LCP1: variants seen among roughly 807,000 people sequenced by gnomAD.
LCP1 encodes plastin-2.
LCP1 carries 23 observed loss-of-function variants against 72.0 expected under a neutral mutation model. The ratio of observed to expected loss-of-function variants is 0.32; its 90% CI spans 0.23 to 0.45. The LOEUF (loss-of-function observed/expected upper bound fraction) is 0.45. Among genes scored for constraint, LCP1 ranks in the 20% least tolerant of loss-of-function variants. The probability of loss-of-function intolerance (pLI) is 1.00; values close to 1 mark genes in which losing one functional copy is unlikely to be tolerated. For synonymous variants in LCP1, 245 were observed against 275.4 expected (o/e 0.89, Z 1.09); for missense variants, 571 against 748.3 (o/e 0.76, Z 2.76).
chr13:46,180,385 TCTTCC>T (rs1406652446), intron 1 of LCP1, among the ~76,000 whole-genome samples: 1 of 152,228 alleles, frequency 6.6e-6, no homozygotes, highest in East Asian at 1.9e-4. Context: ...TACTTGTTGG[TCTTCC>T]CTTCCCCAAA....
intron 1 of LCP1, among the ~76,000 whole-genome samples, chr13:46,170,530 T>C (rs1190565064): frequency 6.6e-6 from 1 of 152,144 alleles, no homozygotes; most frequent in African/African-American, 2.4e-5. Flanking sequence ...GAAAGGAACC[T>C]TGGAGACAGA....
intron 15 of LCP1, among the ~76,000 whole-genome samples, chr13:46,128,665 C>T (rs1282722990): frequency 6.6e-6 from 1 of 151,992 alleles, no homozygotes; most frequent in Non-Finnish European, 1.5e-5. Flanking sequence ...AATTCTTGCC[C>T]ACATATATTT....
intron 8 of LCP1, among the ~76,000 whole-genome samples, chr13:46,150,402 G>T (rs1478336966): frequency 1.3e-5 from 2 of 152,066 alleles, no homozygotes; most frequent in Non-Finnish European, 2.9e-5. Flanking sequence ...GGACCTCTTT[G>T]TCTCTTTATC....
chr13:46,159,023 C>T (rs201113224), intron 2 of LCP1, 34 bp from the exon 3 acceptor site: 55 of 1,606,374 alleles, frequency 3.4e-5, no homozygotes, highest in Middle Eastern at 1.7e-4. Flanking sequence ...AGCTTCAGGA[C>T]GATTCAGGCA....
At chr13:46,137,209 TA>T (rs150494599) in intron 13 of LCP1, among the ~76,000 whole-genome samples, 44,366 of 129,724 alleles carry the variant, frequency 0.34, 6,827 homozygotes, top group South Asian at 0.47. Context: ...AGTAAAACGA[TA>T]AAAAAAAAAA....
chr13:46,140,706 T>C (rs901258782), intron 13 of LCP1, among the ~76,000 whole-genome samples: 6 of 152,182 alleles, frequency 3.9e-5, no homozygotes, highest in African/African-American at 1.4e-4. Flanking sequence ...AATAAGTTAC[T>C]GTAATTATTT....
At chr13:46,164,589 A>G (rs768439484) in intron 1 of LCP1, among the ~76,000 whole-genome samples, 1 of 152,260 alleles carries the variant, frequency 6.6e-6, no homozygotes, top group Non-Finnish European at 1.5e-5. Context: ...AATGCAAAAG[A>G]GAAGTGGATT....
chr13:46,146,775 T>A, intron 10 of LCP1, 133 bp downstream of exon 10: 1 of 858,122 alleles, frequency 1.2e-6, no homozygotes, highest in Non-Finnish European at 2.0e-6. Context: ...ATTCTCTTTG[T>A]TGCATACCAG....
rs1223231863 is a variant in LCP1, at chr13:46,156,560, C to T, written c.369G>A (p.Lys123=). 1.2e-6 allele frequency: 2 copies of T among 1,614,062 alleles called. No individual in the cohort carries two copies. Among genetic ancestry groups the T allele is most frequent in the Admixed American group, 1.7e-5 (1 of 60,008 alleles). The change falls in exon 5 of 16, where the codon AAG becomes AAA. Residue 123 remains lysine (K), a synonymous_variant. Transcript: ENST00000323076. ...GTQHSYSEEE[K]YAFVNWINKA... ...TGTTTATCCAGTTGACAAAGGCATA[C>T]TTTTCTTCCTCTGCAAGTAAATGAT... is the stretch of plus-strand genomic sequence containing the variant.
chr13:46,162,353 G>GAA (rs1296467806), intron 1 of LCP1, among the ~76,000 whole-genome samples: 1 of 148,714 alleles, frequency 6.7e-6, no homozygotes, highest in Non-Finnish European at 1.5e-5. Context: ...ATGCCGAGCA[G>GAA]AAGCTGGACT....
At chr13:46,148,080 T>C (rs553423589) in intron 9 of LCP1, among the ~76,000 whole-genome samples, 1 of 152,356 alleles carries the variant, frequency 6.6e-6, no homozygotes, top group African/African-American at 2.4e-5. Context: ...CATGTGGGGT[T>C]ATAGAGTCTA....
intron 12 of LCP1, chr13:46,142,635 T>A (rs1349220932): frequency 2.9e-5 from 17 of 593,132 alleles, no homozygotes; most frequent in Non-Finnish European, 2.4e-5. Flanking sequence ...AAAATATTCA[T>A]AATGTGGAAA....
intron 1 of LCP1, among the ~76,000 whole-genome samples, chr13:46,177,539 C>T (rs1489722526): frequency 6.6e-6 from 1 of 152,078 alleles, no homozygotes; most frequent in African/African-American, 2.4e-5. Flanking sequence ...ACTCGGGAGG[C>T]TGAGGCAGGA....
chr13:46,142,763 G>A (rs938523290), intron 12 of LCP1: 1 of 476,048 alleles, frequency 2.1e-6, no homozygotes, highest in Admixed American at 2.3e-5. Flanking sequence ...CATGGAGATT[G>A]ACATGGAAAA....
chr13:46,158,938 T>C lies in LCP1; in HGVS notation c.116A>G (p.Lys39Arg), dbSNP rs1294479760. Residue 39 changes from lysine (K) to arginine (R), a missense_variant, in exon 3 of 16, where the codon AAG (lysine) becomes AGG (arginine). Lys to Arg is a conservative substitution (Grantham distance 26). Transcript: ENST00000323076. ...ISFNELNDLF[K>R]AACLPLPGYR... Reference sequence around the variant, plus strand: ...CCCAGGCAAAGGCAAGCAAGCAGCCTTGAACAAGTCATTCAACTCATTGAA... The same window carrying C: ...CCCAGGCAAAGGCAAGCAAGCAGCCCTGAACAAGTCATTCAACTCATTGAA... 6.2e-6 allele frequency: 10 copies of C among 1,614,146 alleles called. No individual in the cohort carries two copies. Among genetic ancestry groups the C allele is most frequent in the Non-Finnish European group, 8.5e-6 (10 of 1,180,018 alleles).
intron 7 of LCP1, among the ~76,000 whole-genome samples, chr13:46,151,674 C>A (rs1300008354): frequency 2.0e-5 from 3 of 152,108 alleles, no homozygotes; most frequent in African/African-American, 7.2e-5. Context: ...TCCCTATTTC[C>A]TCTCCCCCGC....
intron 1 of LCP1, among the ~76,000 whole-genome samples, chr13:46,175,276 C>T (rs1236189568): frequency 2.6e-5 from 4 of 152,172 alleles, no homozygotes; most frequent in Non-Finnish European, 2.9e-5. Flanking sequence ...TCTACCTAGA[C>T]GACAACATGG....
At chr13:46,178,423 C>T (rs1218181225) in intron 1 of LCP1, among the ~76,000 whole-genome samples, 1 of 152,094 alleles carries the variant, frequency 6.6e-6, no homozygotes, top group African/African-American at 2.4e-5. Flanking sequence ...CTGAGGAAAG[C>T]AACAAGGAGA....
At chr13:46,166,956 AG>A (rs2045879806) in intron 1 of LCP1, among the ~76,000 whole-genome samples, 1 of 152,230 alleles carries the variant, frequency 6.6e-6, no homozygotes, top group Non-Finnish European at 1.5e-5. Context: ...TTTGTTTTTA[AG>A]AAACCAAATA....
Sources: gnomAD v4.1 joint callset for allele counts (sites outside exome capture counted in the v4.1 genomes callset) on GRCh38, gnomAD v4.1.1 for gene constraint, MANE v1.5 for transcripts, NCBI Gene and HGNC (gene_info 2026-07-23, HGNC 2026-07-21) for gene names.